INTS1: variants seen among roughly 807,000 people sequenced by gnomAD.
The protein encoded by INTS1 is integrator complex subunit 1.
Under a neutral mutation model 241.6 loss-of-function variants are expected in INTS1, and 137 were observed. The ratio of observed to expected loss-of-function variants is 0.57; its 90% CI spans 0.49 to 0.65. The LOEUF (loss-of-function observed/expected upper bound fraction) is 0.65. Ranked by LOEUF, INTS1 falls within the 30% of genes least tolerant of loss-of-function variation. The pLI, the probability that INTS1 is intolerant of heterozygous loss-of-function variation, is 0.00. For missense variants in INTS1, 3,073 were observed against 3,032.2 expected, an observed-to-expected ratio of 1.01 and a Z score of -0.32; for synonymous variants, 1,692 against 1,337.8, an observed-to-expected ratio of 1.26 and a Z score of -5.78.
At position 1,472,372 on chromosome 7, in the gene INTS1, C is replaced by T. The variant is rs751154458; in HGVS notation, c.6085G>A (p.Gly2029Ser). The T allele has an allele frequency of 7.0e-5, 109 of 1,556,788 alleles. No homozygotes were observed. Among genetic ancestry groups the T allele is most frequent in the Non-Finnish European group, 8.9e-5 (102 of 1,149,870 alleles). ...DEEGEEESSA[G>S]SLPLVSVSLF... ...GAGACGCTGACCAGGGGCAAGGAGCCGGCTGAGCTCTCCTCTGGAAGACAG... is the reference window on the plus strand; with the variant it reads ...GAGACGCTGACCAGGGGCAAGGAGCTGGCTGAGCTCTCCTCTGGAAGACAG... Residue 2029 changes from glycine (G) to serine (S), a missense_variant, in exon 44 of 48, where the codon GGC (glycine) becomes AGC (serine). By Grantham distance (56) the Gly-to-Ser change is moderately conservative. Coordinates refer to ENST00000404767, the MANE Select transcript of INTS1 (RefSeq NM_001080453.3).
intron 6 of INTS1, 55 bp downstream of exon 6, chr7:1,499,418 C>G: frequency 1.9e-6 from 3 of 1,551,386 alleles, no homozygotes; most frequent in Non-Finnish European, 2.6e-6. Context: ...CCTCCCACCC[C>G]TCCCCTGCCC....
chr7:1,499,430 G>A (rs1366916801), intron 6 of INTS1, 43 bp downstream of exon 6: 2 of 1,167,954 alleles, frequency 1.7e-6, no homozygotes, highest in African/African-American at 1.9e-5. Context: ...CCCCTGCCCT[G>A]GGGCTTGGAC....
chr7:1,502,574 T>G (rs974069132), intron 3 of INTS1, among the ~76,000 whole-genome samples: 3 of 152,124 alleles, frequency 2.0e-5, no homozygotes, highest in Non-Finnish European at 4.4e-5. Flanking sequence ...AACAGACACC[T>G]GGGGTGTCGT....
chr7:1,480,750 G>A (rs927797999), intron 29 of INTS1, 85 bp downstream of exon 29: 36 of 1,131,084 alleles, frequency 3.2e-5, no homozygotes, highest in Admixed American at 4.3e-5. Flanking sequence ...TGCAGGCCCC[G>A]TCCCCCTCCC....
Position 1,503,840 on chromosome 7 carries a change from TCCCCAAAGAC to T in INTS1, c.58+53_58+62del, listed in dbSNP as rs11283071. 3,392 of 898,488 alleles carry T rather than the reference TCCCCAAAGAC, an allele frequency of 3.8e-3. 33 individuals carry two copies. The highest frequency in any genetic ancestry group is 0.025 in the African/African-American group (1,207 of 48,504). 55.7% of individuals were successfully genotyped at this position (898,488 alleles called of 1,614,324 possible). Reference sequence around the variant, plus strand: ...AACGCAGGATCCGCGGCAGCTGAGATCCCCAAAGACCCCCAAAGACCCCCAAAGACCCCCG... The same window carrying T: ...AACGCAGGATCCGCGGCAGCTGAGATCCCCAAAGACCCCCAAAGACCCCCG... On this transcript the variant is annotated intron_variant, in intron 2 of 47. Transcript: ENST00000404767.
rs1354156361 is a variant in INTS1 at position 1,503,102 on chromosome 7, G to A, written c.148C>T (p.Pro50Ser). 4.3e-6 allele frequency: 7 copies of A among 1,609,376 alleles called. No individual in the cohort carries two copies. Among genetic ancestry groups the A allele is most frequent in the East Asian group, 2.2e-5 (1 of 44,752 alleles). ...TTGCGCTCAGAAGGCAGGCCGGAAG[G>A]GGCTGGCTTCAGCAGGGTGGACGCC... is the stretch of plus-strand genomic sequence containing the variant. ...KTASTLLKPA[P>S]SGLPSERKRD... Residue 50 changes from proline (P) to serine (S), a missense_variant, in exon 3 of 48, where the codon CCT (proline) becomes TCT (serine). Physicochemically the swap from Pro to Ser is moderately conservative, Grantham distance 74 (BLOSUM62 -1). Coordinates refer to ENST00000404767, the MANE Select transcript of INTS1 (RefSeq NM_001080453.3).
chr7:1,491,499 C>A (rs755858784), intron 16 of INTS1, among the ~76,000 whole-genome samples: 17 of 152,328 alleles, frequency 1.1e-4, no homozygotes, highest in South Asian at 4.1e-4. Flanking sequence ...ACAGAAAACA[C>A]AGAATTAAAT....
intron 25 of INTS1, 39 bp from the exon 26 acceptor site, chr7:1,483,892 G>C: frequency 6.3e-7 from 1 of 1,595,552 alleles, no homozygotes; most frequent in Non-Finnish European, 8.6e-7. Flanking sequence ...TAAGGTTCAG[G>C]GACCCTGAGC....
Position 1,471,224 on chromosome 7 carries a change from T to C in INTS1, c.6256A>G (p.Thr2086Ala). The change falls in exon 46 of 48, where the codon ACC becomes GCC. Residue 2086 changes from threonine (T) to alanine (A), a missense_variant and splice_region_variant. Thr to Ala is a moderately conservative substitution (Grantham distance 58). Transcript: ENST00000404767. ...GAGCTCATCAGCCGCTGCAGGTTGG[T>C]CTGACCGGGGGAAAGGTGGGAGGTG... ...RRPEILSFFS[T>A]NLQRLMSSAE... 6.4e-7 allele frequency: 1 copy of C among 1,574,774 alleles called. No individual in the cohort carries two copies. The highest frequency in any genetic ancestry group is 1.3e-5 in the African/African-American group (1 of 74,122).
chr7:1,488,009 C>T, intron 18 of INTS1, 52 bp from the exon 19 acceptor site: 5 of 1,558,528 alleles, frequency 3.2e-6, no homozygotes, highest in Non-Finnish European at 3.5e-6. Flanking sequence ...AGGGCTCACT[C>T]CCAGTGGGCC....
Position 1,493,738 on chromosome 7 carries a change from C to T in INTS1, c.2068+16G>A. ...AGCAGACCCAGCACAGGCGCCATCC[C>T]CTGCAGAAGCCATACCATCCGCCTG... On this transcript the variant is annotated intron_variant, in intron 15 of 47. Transcript: ENST00000404767. This position sits in a 1 kb window ranked among gnomAD's most constrained non-coding sequence, Gnocchi z 5.3. The T allele has an allele frequency of 6.4e-7, 1 of 1,566,262 alleles. No individual in the cohort carries two copies. Among genetic ancestry groups the T allele is most frequent in the Non-Finnish European group, 8.6e-7 (1 of 1,157,006 alleles).
chr7:1,503,391 G>A (rs1029355671), intron 2 of INTS1, among the ~76,000 whole-genome samples, 200 bp from the exon 3 acceptor site: 2 of 152,174 alleles, frequency 1.3e-5, no homozygotes, highest in Non-Finnish European at 2.9e-5. Flanking sequence ...GTCACGTAGC[G>A]CTAACCACAA....
Position 1,476,467 on chromosome 7 carries a change from G to A in INTS1, c.5152-12C>T, listed in dbSNP as rs749646414. 1 of 1,464,818 alleles carries A rather than the reference G, an allele frequency of 6.8e-7. No homozygotes were observed. Among genetic ancestry groups the A allele is most frequent in the Non-Finnish European group, 9.0e-7 (1 of 1,108,732 alleles). 90.7% of individuals were successfully genotyped at this position (1,464,818 alleles called of 1,614,324 possible). On this transcript the variant is annotated splice_polypyrimidine_tract_variant and intron_variant, in intron 37 of 47. Coordinates refer to ENST00000404767, the MANE Select transcript of INTS1 (RefSeq NM_001080453.3). The stretch of plus-strand genomic sequence containing the variant: ...TCCTCCCGCCGCTTCTGTAACGGGT[G>A]CCTGCATCAGCCCCGGAGCACCACC...
chr7:1,494,016 C>T, intron 14 of INTS1, 105 bp from the exon 15 acceptor site: 1 of 1,368,892 alleles, frequency 7.3e-7, no homozygotes. Flanking sequence ...GGGCTGGTGG[C>T]AGAGGGCTGC....
rs1463743017 is a variant in INTS1, at chr7:1,487,027, C to A, written c.2721G>T (p.Val907=). ...GCAGCAGGAACTCGCACAGACACTGCACGGGCAGCACGTCCAGGGAGCCCT... is the reference window on the plus strand; with the variant it reads ...GCAGCAGGAACTCGCACAGACACTGAACGGGCAGCACGTCCAGGGAGCCCT... The part of the protein sequence containing the change: ...SSEGSLDVLP[V]QCLCEFLLHD... Residue 907 remains valine, a synonymous_variant, in exon 21 of 48, where the codon GTG becomes GTT. Coordinates refer to ENST00000404767, the MANE Select transcript of INTS1 (RefSeq NM_001080453.3). The A allele has an allele frequency of 4.4e-6, 7 of 1,594,132 alleles. No homozygotes were observed. The highest frequency in any genetic ancestry group is 6.0e-6 in the Non-Finnish European group (7 of 1,173,612).
chr7:1,498,709 G>A lies in INTS1; in HGVS notation c.1281C>T (p.Ile427=). 6.5e-7 allele frequency: 1 copy of A among 1,548,710 alleles called. No individual in the cohort carries two copies. ...KVLLNHFMLC[I]RELLSAHKDN... ...CTCTGCCCCGGCTCGCCACGCACCT[G>A]ATGCACAGCATGAAGTGGTTGAGGA... Residue 427 remains isoleucine, a splice_region_variant and synonymous_variant, in exon 9 of 48, where the codon ATC becomes ATT. Transcript: ENST00000404767.
intron 43 of INTS1, 33 bp from the exon 44 acceptor site, chr7:1,472,419 G>T (rs1375807318): frequency 9.7e-6 from 14 of 1,447,836 alleles, no homozygotes; most frequent in Non-Finnish European, 9.3e-7. Context: ...CAGGAGGGCG[G>T]GAGCGGCAGG....
intron 26 of INTS1, 38 bp downstream of exon 26, chr7:1,483,704 G>A (rs1427207004): frequency 2.0e-6 from 3 of 1,529,248 alleles, no homozygotes; most frequent in South Asian, 2.2e-5. Context: ...GGCCCACCTG[G>A]CACGAAGCTG....
rs917540907 is a variant in INTS1, at chr7:1,500,481, G to C, written c.350-115C>G. The C allele has an allele frequency of 6.7e-6, 8 of 1,191,330 alleles. No homozygotes were observed. The African/African-American group carries it at 1.1e-4, about 16-fold the overall frequency. 73.8% of individuals were successfully genotyped at this position (1,191,330 alleles called of 1,614,324 possible). ...AGCTCTCAGGGTCGGCCCTGCCAGG[G>C]ACCAGCGATCCACCCTCAGCAAAGT... On this transcript the variant is annotated intron_variant, in intron 3 of 47. Coordinates refer to ENST00000404767, the MANE Select transcript of INTS1 (RefSeq NM_001080453.3).
Sources: gnomAD v4.1 joint callset for allele counts (sites outside exome capture counted in the v4.1 genomes callset) on GRCh38, gnomAD v4.1.1 for gene constraint, Gnocchi (gnomAD v3.1) non-coding constraint, MANE v1.5 for transcripts, NCBI Gene and HGNC (gene_info 2026-07-23, HGNC 2026-07-21) for gene names.